The following LINC00632 variants were observed in gnomAD, a reference collection of about 807,000 sequenced individuals.
LINC00632 encodes long independently transcribed non-coding RNA 632.
intron 3 of LINC00632, chrX:140,764,781 C>T (rs1602750673): frequency 8.9e-6 from 1 of 111,824 alleles, no homozygotes; most frequent in South Asian, 3.8e-4. Context: ...GGAGCGTCTT[C>T]GCTGGCTCGC....
intron 2 of LINC00632, among the ~76,000 whole-genome samples, chrX:140,718,481 C>T (rs1405410081): frequency 9.6e-6 from 1 of 104,649 alleles, no homozygotes; most frequent in African/African-American, 3.5e-5. Flanking sequence ...GGCGTGATCT[C>T]GGCTTATTGC....
chrX:140,723,376 T>TAC lies in LINC00632; in HGVS notation n.105-10494_105-10493dup, dbSNP rs1376365911. 2.9e-3 allele frequency among the ~76,000 whole-genome samples: 6 copies of TAC among 2,104 alleles called. 1 individual carries two copies. The highest frequency in any genetic ancestry group is 6.2e-3 in the African/African-American group (6 of 962). 1.8% of individuals were successfully genotyped at this position (2,104 alleles called of 115,157 possible). ...ACATTCCACACACACACACATTCCA[T>TAC]ACACACACATTCCATACACACACAT... On this transcript the variant is annotated intron_variant and non_coding_transcript_variant, in intron 2 of 4. Transcript: ENST00000648200.
chrX:140,755,012 C>G (rs1216162191), intron 3 of LINC00632, among the ~76,000 whole-genome samples: 1 of 111,506 alleles, frequency 9.0e-6, no homozygotes, highest in Non-Finnish European at 1.9e-5. Flanking sequence ...ATTCTCAGAG[C>G]CGTAGGTACT....
At chrX:140,722,012 C>T (rs1412597873) in intron 2 of LINC00632, among the ~76,000 whole-genome samples, 1 of 111,114 alleles carries the variant, frequency 9.0e-6, no homozygotes, top group African/African-American at 3.3e-5. Flanking sequence ...CTACAATACA[C>T]AGTAATGGCC....
intron 3 of LINC00632, among the ~76,000 whole-genome samples, chrX:140,740,320 T>C (rs940753233): frequency 8.9e-6 from 1 of 111,946 alleles, no homozygotes; most frequent in African/African-American, 3.2e-5. Context: ...TTTTCTTGAC[T>C]GAAGGGTCTA....
At chrX:140,742,877 G>GAGAGAA (rs1209141726) in intron 3 of LINC00632, among the ~76,000 whole-genome samples, 55 of 94,432 alleles carry the variant, frequency 5.8e-4, no homozygotes, top group African/African-American at 2.1e-3. Flanking sequence ...GAGAGAGAGA[G>GAGAGAA]AGGAAGGAAG....
At chrX:140,726,861 A>G (rs912948100) in intron 2 of LINC00632, among the ~76,000 whole-genome samples, 2 of 111,670 alleles carry the variant, frequency 1.8e-5, no homozygotes, top group Middle Eastern at 4.6e-3. Context: ...GATACACAAC[A>G]TCTGCTCACA....
chrX:140,719,710 G>C (rs1481140245), intron 2 of LINC00632, among the ~76,000 whole-genome samples: 1 of 110,803 alleles, frequency 9.0e-6, no homozygotes, highest in Non-Finnish European at 1.9e-5. Flanking sequence ...GAAACACAAT[G>C]TGCAGATATG....
At chrX:140,709,804 TG>T (rs767146985) in exon 1 of LINC00632, 8 of 341,346 alleles carry the variant, frequency 2.3e-5, no homozygotes, top group South Asian at 2.1e-4. Flanking sequence ...AGCATGCCAC[TG>T]GTAAGTAGCT....
chrX:140,771,324 AAT>A (rs1931786507), intron 3 of LINC00632, among the ~76,000 whole-genome samples: 1 of 109,213 alleles, frequency 9.2e-6, no homozygotes, highest in Non-Finnish European at 1.9e-5. Context: ...AAATATTTGC[AAT>A]ATAGAGAGGA....
chrX:140,719,032 A>G (rs746283168), intron 2 of LINC00632, among the ~76,000 whole-genome samples: 1 of 112,125 alleles, frequency 8.9e-6, no homozygotes, highest in South Asian at 3.7e-4. Context: ...AAACTTGACT[A>G]CAATTAACAG....
exon 5 of LINC00632, among the ~76,000 whole-genome samples, chrX:140,775,155 C>T (rs1931855893): frequency 9.0e-6 from 1 of 111,647 alleles, no homozygotes; most frequent in Non-Finnish European, 1.9e-5. Flanking sequence ...TCATATCTGG[C>T]CTCCTCAGTG....
At chrX:140,782,209 G>A (rs768668522) in exon 5 of LINC00632, among the ~76,000 whole-genome samples, 5 of 111,501 alleles carry the variant, frequency 4.5e-5, no homozygotes, top group Non-Finnish European at 7.5e-5. Context: ...TAATATCTAG[G>A]CCCTAATACA....
exon 5 of LINC00632, among the ~76,000 whole-genome samples, chrX:140,778,018 ACT>A (rs1210285397): frequency 8.9e-6 from 1 of 112,062 alleles, no homozygotes; most frequent in African/African-American, 3.2e-5. Context: ...ATAAACACCA[ACT>A]CTCTGAAAGG....
At chrX:140,724,327 C>T (rs1194393055) in intron 2 of LINC00632, among the ~76,000 whole-genome samples, 14 of 89,058 alleles carry the variant, frequency 1.6e-4, no homozygotes, top group African/African-American at 4.1e-4. Flanking sequence ...CATACTCACA[C>T]ACACACTTTC....
At chrX:140,756,545 A>G (rs771410010) in intron 3 of LINC00632, among the ~76,000 whole-genome samples, 1 of 111,757 alleles carries the variant, frequency 8.9e-6, no homozygotes, top group South Asian at 3.8e-4. Context: ...ACGGAGTGAG[A>G]AAGAGAAAAG....
intron 3 of LINC00632, among the ~76,000 whole-genome samples, chrX:140,750,373 G>T: frequency 9.1e-6 from 1 of 110,376 alleles, no homozygotes; most frequent in Middle Eastern, 4.9e-3. Context: ...ACAATATATT[G>T]TATTCTTGAA....
At chrX:140,754,654 G>A (rs563908280) in intron 3 of LINC00632, among the ~76,000 whole-genome samples, 1 of 110,869 alleles carries the variant, frequency 9.0e-6, no homozygotes, top group African/African-American at 3.3e-5. Context: ...CTCAAGGAGT[G>A]TGGCTATCTC....
intron 3 of LINC00632, among the ~76,000 whole-genome samples, chrX:140,767,549 C>T (rs766528644): frequency 8.9e-6 from 1 of 111,864 alleles, no homozygotes; most frequent in South Asian, 3.7e-4. Flanking sequence ...TAAACATTGG[C>T]TATGCAAGAG....
Sources: gnomAD v4.1 joint callset for allele counts (sites outside exome capture counted in the v4.1 genomes callset) on GRCh38, gnomAD v4.1.1 for gene constraint, MANE v1.5 for transcripts, NCBI Gene and HGNC (gene_info 2026-07-23, HGNC 2026-07-21) for gene names.